The following LRRC53 variants were observed in gnomAD, a reference collection of about 807,000 sequenced individuals.
The protein encoded by LRRC53 is leucine rich repeat containing 53.
Under a neutral mutation model 13.6 loss-of-function variants are expected in LRRC53, and 25 were observed. The observed-to-expected ratio is 1.83, with a 90% CI of 1.34 to 2.56. LRRC53 has a LOEUF of 2.56. LRRC53 is among the 30% of genes most tolerant of loss of function. LRRC53 has a pLI of 0.00. For missense variants in LRRC53, 527 were observed against 275.8 expected, an observed-to-expected ratio of 1.91 and a Z score of -6.45; for synonymous variants, 204 against 109.8, an observed-to-expected ratio of 1.86 and a Z score of -5.37.
chr1:74,508,581 A>C (rs1038126900), intron 1 of LRRC53, among the ~76,000 whole-genome samples: 1 of 152,226 alleles, frequency 6.6e-6, no homozygotes, highest in Non-Finnish European at 1.5e-5. Flanking sequence ...GCCAGGAGGC[A>C]GACTGCATTC....
chr1:74,521,834 C>G, the LRRC53 span, among the ~76,000 whole-genome samples: 1 of 151,964 alleles, frequency 6.6e-6, no homozygotes, highest in Non-Finnish European at 1.5e-5. Flanking sequence ...TGTTTTGATC[C>G]CTGAGAATAA....
chr1:74,517,813 T>A, the LRRC53 span, among the ~76,000 whole-genome samples: 1 of 152,130 alleles, frequency 6.6e-6, no homozygotes, highest in Admixed American at 6.6e-5. Context: ...ACCTGGAAGA[T>A]TTTTTAAGGC....
At chr1:74,494,921 G>A (rs1669251176) in intron 1 of LRRC53, among the ~76,000 whole-genome samples, 1 of 151,976 alleles carries the variant, frequency 6.6e-6, no homozygotes, top group African/African-American at 2.4e-5. Flanking sequence ...TACACGGAGA[G>A]CTACACAGAA....
Position 74,480,736 on chromosome 1 carries a change from G to C in LRRC53, c.321C>G (p.His107Gln), listed in dbSNP as rs1365256410. Residue 107 changes from histidine (H) to glutamine (Q), a missense_variant, in exon 3 of 5, where the codon CAC becomes CAG. Transcript: ENST00000294635. ...SLTDHTFSKL[H>Q]SLQVLVLSNN... ...TGCTCAGCACCAGTACCTGCAGGCT[G>C]TGAAGCTTGCTGAAGGTGTGATCAG... The C allele has an allele frequency of 1.4e-6, 1 of 717,512 alleles. No individual in the cohort carries two copies. Among genetic ancestry groups the C allele is most frequent in the Admixed American group, 2.0e-5 (1 of 50,020 alleles). The allele number at this position is 717,512 out of a possible 1,614,324, so 44.4% of individuals were successfully genotyped here.
Position 74,475,580 on chromosome 1 carries a change from A to G in LRRC53, c.1135T>C (p.Leu379=). The change falls in exon 4 of 5, where the codon TTA becomes CTA. Residue 379 remains leucine (L), a synonymous_variant. Coordinates refer to ENST00000294635, the MANE Select transcript of LRRC53 (RefSeq NM_001382280.1). The part of the protein sequence containing the change: ...TVGSRKEMPL[L]QENSHQATSA... The stretch of plus-strand genomic sequence containing the variant: ...GTTGCTTGATGGCTATTTTCCTGTA[A>G]AAGTGGCATTTCTTTTCTGGACCCC... The G allele has an allele frequency of 1.4e-6, 1 of 717,338 alleles. No homozygotes were observed. The highest frequency in any genetic ancestry group is 1.5e-5 in the South Asian group (1 of 67,584). The allele number at this position is 717,338 out of a possible 1,614,324, so 44.4% of individuals were successfully genotyped here.
At chr1:74,516,717 C>T (rs1646353367), upstream of LRRC53, among the ~76,000 whole-genome samples, 1 of 152,098 alleles carries the variant, frequency 6.6e-6, no homozygotes, top group Non-Finnish European at 1.5e-5. Context: ...CTTGTATATT[C>T]CCCATCACTA....
the LRRC53 span, among the ~76,000 whole-genome samples, chr1:74,532,338 T>C: frequency 6.6e-6 from 1 of 152,194 alleles, no homozygotes; most frequent in Admixed American, 6.5e-5. Flanking sequence ...CTAAGAAGAA[T>C]TTAGCGTTCA....
At chr1:74,531,931 A>G in the LRRC53 span, among the ~76,000 whole-genome samples, 6 of 152,342 alleles carry the variant, frequency 3.9e-5, no homozygotes, top group African/African-American at 1.4e-4. Flanking sequence ...TTGCCTTATT[A>G]AAAATCCAAA....
chr1:74,494,454 C>T (rs1421898367), intron 1 of LRRC53, among the ~76,000 whole-genome samples: 1 of 152,058 alleles, frequency 6.6e-6, no homozygotes, highest in Non-Finnish European at 1.5e-5. Flanking sequence ...ACAAACTGGA[C>T]ACCATTTTTT....
intron 1 of LRRC53, among the ~76,000 whole-genome samples, chr1:74,486,234 G>GAGAGAGAGAGAGAGA (rs1381381282): frequency 1.8e-5 from 1 of 56,262 alleles, no homozygotes; most frequent in South Asian, 6.5e-4. Flanking sequence ...AGAGAGAGAG[G>GAGAGAGAGAGAGAGA]TGGGAAATAT....
At position 74,471,968 on chromosome 1, in the gene LRRC53, C is replaced by A. The variant is rs977380655; in HGVS notation, c.1654G>T (p.Asp552Tyr). The change falls in exon 5 of 5, where the codon GAT becomes TAT. Residue 552 changes from aspartate (D) to tyrosine (Y), a missense_variant. Transcript: ENST00000294635. ...KIVQKNRSKYDDPCGLLKQSK... is the reference protein window; with the variant it reads ...KIVQKNRSKYYDPCGLLKQSK... Reference sequence around the variant, plus strand: ...TGTTTTAACAGTCCACAAGGATCATCATATTTTGATCTATTTTTTTGTACG... The same window carrying A: ...TGTTTTAACAGTCCACAAGGATCATAATATTTTGATCTATTTTTTTGTACG... 1 of 619,898 alleles carries A rather than the reference C, an allele frequency of 1.6e-6. No homozygotes were observed. Among genetic ancestry groups the A allele is most frequent in the African/African-American group, 1.9e-5 (1 of 54,010 alleles). The allele number at this position is 619,898 out of a possible 1,614,324, so 38.4% of individuals were successfully genotyped here.
chr1:74,504,622 G>C (rs556258614), intron 1 of LRRC53, among the ~76,000 whole-genome samples: 1 of 152,124 alleles, frequency 6.6e-6, no homozygotes, highest in East Asian at 1.9e-4. Context: ...CCCTACGTGT[G>C]TAAAATTGAC....
At chr1:74,519,257 C>G in the LRRC53 span, among the ~76,000 whole-genome samples, 1 of 85,524 alleles carries the variant, frequency 1.2e-5, no homozygotes, top group African/African-American at 5.7e-5. Context: ...GTATATGTGC[C>G]ACATTTTCTT....
rs1282377815 is a variant in LRRC53, at chr1:74,470,868, T to A, written c.2754A>T (p.Leu918Phe). ...MGQNVSKTSE[L>F]NQFSLSPRNQ... ...TCCTCGGGGACAAAGAAAACTGATT[T>A]AACTCACTGGTCTTTGATACATTCT... Residue 918 changes from leucine (L) to phenylalanine (F), a missense_variant, in exon 5 of 5, where the codon TTA becomes TTT. Leu to Phe is a conservative substitution (Grantham distance 22). Coordinates refer to ENST00000294635, the MANE Select transcript of LRRC53 (RefSeq NM_001382280.1). 1 of 400,638 alleles carries A rather than the reference T, an allele frequency of 2.5e-6. No individual in the cohort carries two copies. Among genetic ancestry groups the A allele is most frequent in the Non-Finnish European group, 4.4e-6 (1 of 226,198 alleles). The allele number at this position is 400,638 out of a possible 1,614,324, so 24.8% of individuals were successfully genotyped here.
chr1:74,481,181 CTGTGACATGTT>C (rs1668483090), intron 2 of LRRC53, among the ~76,000 whole-genome samples: 1 of 152,172 alleles, frequency 6.6e-6, no homozygotes, highest in Admixed American at 6.5e-5. Context: ...TTCTTTGCTG[CTGTGACATGTT>C]TGTTTGAGAA....
At chr1:74,489,377 C>T in intron 1 of LRRC53, 1 of 889,350 alleles carries the variant, frequency 1.1e-6, no homozygotes, top group Non-Finnish European at 1.7e-6. Context: ...CATATTTGCC[C>T]TATTCATTAA....
chr1:74,509,539 T>C (rs1670071701), intron 1 of LRRC53, among the ~76,000 whole-genome samples: 1 of 152,178 alleles, frequency 6.6e-6, no homozygotes, highest in African/African-American at 2.4e-5. Context: ...ATAAATCGTA[T>C]ACTCTTTTCT....
intron 1 of LRRC53, among the ~76,000 whole-genome samples, chr1:74,488,049 C>T (rs995426715): frequency 5.3e-5 from 8 of 152,114 alleles, no homozygotes; most frequent in South Asian, 2.1e-4. Flanking sequence ...AGAGGTCAGG[C>T]TATTTTAATG....
chr1:74,496,553 T>C (rs1669334417), intron 1 of LRRC53, among the ~76,000 whole-genome samples: 1 of 152,168 alleles, frequency 6.6e-6, no homozygotes, highest in Admixed American at 6.5e-5. Flanking sequence ...GATGATAGGT[T>C]TGAGTTTTGT....
Sources: allele counts gnomAD v4.1 joint callset (sites outside exome capture counted in the v4.1 genomes callset), GRCh38; gene constraint gnomAD v4.1.1; transcripts MANE v1.5; gene names NCBI Gene and HGNC (gene_info 2026-07-23, HGNC 2026-07-21).